The following SGCD variants were observed in gnomAD, a reference collection of about 807,000 sequenced individuals.
The protein encoded by SGCD is delta-sarcoglycan.
SGCD carries 18 observed loss-of-function variants against 36.6 expected under a neutral mutation model. That is an observed-to-expected ratio of 0.49 (90% CI 0.34 to 0.73). The LOEUF (loss-of-function observed/expected upper bound fraction) is 0.73. Ranked by LOEUF, SGCD falls within the 30% of genes least tolerant of loss-of-function variation. SGCD has a pLI of 0.01. For missense variants in SGCD, 387 were observed against 346.7 expected, an observed-to-expected ratio of 1.12 and a Z score of -0.92; for synonymous variants, 133 against 130.6, an observed-to-expected ratio of 1.02 and a Z score of -0.12.
chr5:156,187,024 G>T (rs1763777711), intron 3 of SGCD, among the ~76,000 whole-genome samples: 1 of 151,994 alleles, frequency 6.6e-6, no homozygotes, highest in Admixed American at 6.6e-5. Flanking sequence ...CCCTCTAGAA[G>T]CAATGAACAT....
intron 1 of SGCD, among the ~76,000 whole-genome samples, chr5:156,044,013 T>C (rs1759701825): frequency 6.6e-6 from 1 of 152,122 alleles, no homozygotes; most frequent in Admixed American, 6.6e-5. Context: ...ATTAAACATG[T>C]TTAAATAACA....
chr5:155,837,947 CTT>C, the SGCD span, among the ~76,000 whole-genome samples: 1 of 152,122 alleles, frequency 6.6e-6, no homozygotes, highest in Non-Finnish European at 1.5e-5. Flanking sequence ...ACTTCTGTCT[CTT>C]TTTAAACTCT....
intron 1 of SGCD, among the ~76,000 whole-genome samples, chr5:156,070,374 A>G (rs1446728969): frequency 6.7e-6 from 1 of 150,314 alleles, no homozygotes; most frequent in Non-Finnish European, 1.5e-5. Flanking sequence ...CCTTTTCTGC[A>G]TCTATTGAGA....
intron 3 of SGCD, among the ~76,000 whole-genome samples, chr5:156,489,630 G>A (rs1303618617): frequency 6.6e-6 from 1 of 151,918 alleles, no homozygotes; most frequent in Non-Finnish European, 1.5e-5. Context: ...ATGATCATTA[G>A]GTCAATAAAG....
chr5:156,323,587 G>T (rs535563934), upstream of SGCD, among the ~76,000 whole-genome samples: 3 of 152,252 alleles, frequency 2.0e-5, no homozygotes, highest in East Asian at 3.9e-4. Flanking sequence ...ATCCTTGCCC[G>T]CATGGAGCTT....
chr5:155,972,045 AGG>A (rs1758016143), intron 1 of SGCD, among the ~76,000 whole-genome samples: 1 of 152,182 alleles, frequency 6.6e-6, no homozygotes, highest in Non-Finnish European at 1.5e-5. Context: ...GCTATTGGTT[AGG>A]AATAGAATGA....
intron 3 of SGCD, among the ~76,000 whole-genome samples, chr5:156,391,230 A>G (rs764729743): frequency 1.3e-5 from 2 of 152,260 alleles, no homozygotes; most frequent in Non-Finnish European, 2.9e-5. Context: ...GTAACGTGCT[A>G]TACACATTTA....
intron 7 of SGCD, among the ~76,000 whole-genome samples, chr5:156,696,958 A>T (rs1330697957): frequency 7.5e-6 from 1 of 133,342 alleles, no homozygotes; most frequent in Non-Finnish European, 1.6e-5. Context: ...ACACACACAC[A>T]CACACTTCAC....
chr5:156,714,101 A>T (rs1755116926), intron 7 of SGCD, among the ~76,000 whole-genome samples: 1 of 152,220 alleles, frequency 6.6e-6, no homozygotes, highest in African/African-American at 2.4e-5. Flanking sequence ...CCTGTTTCTA[A>T]ACTTTATTTG....
intron 3 of SGCD, among the ~76,000 whole-genome samples, chr5:156,304,026 A>G (rs894203544): frequency 1.3e-5 from 2 of 152,056 alleles, no homozygotes; most frequent in African/African-American, 4.8e-5. Flanking sequence ...TCAGCAGAGC[A>G]CCAGTACTTG....
At chr5:156,517,111 G>T (rs917965106) in intron 4 of SGCD, among the ~76,000 whole-genome samples, 2 of 152,156 alleles carry the variant, frequency 1.3e-5, no homozygotes, top group Non-Finnish European at 2.9e-5. Context: ...CATTACAGAA[G>T]CTGTTAACCA....
intron 1 of SGCD, among the ~76,000 whole-genome samples, chr5:155,986,162 A>G (rs1231003219): frequency 6.6e-6 from 1 of 152,128 alleles, no homozygotes; most frequent in African/African-American, 2.4e-5. Context: ...ATATTTGAAA[A>G]CATTTTATTG....
chr5:155,846,982 G>A, the SGCD span, among the ~76,000 whole-genome samples: 10 of 152,220 alleles, frequency 6.6e-5, no homozygotes, highest in South Asian at 4.1e-4. Context: ...CTTCAAAAGC[G>A]TGTGCTTAAA....
At chr5:156,620,329 T>C (rs1451475276) in intron 6 of SGCD, among the ~76,000 whole-genome samples, 2 of 152,254 alleles carry the variant, frequency 1.3e-5, no homozygotes, top group African/African-American at 4.8e-5. Flanking sequence ...GTCACCAAAC[T>C]AAGTTCAGTG....
At chr5:156,056,654 A>AAAAAAAAAAAAAAAAAAAAC (rs1209421786) in intron 1 of SGCD, among the ~76,000 whole-genome samples, 10 of 137,914 alleles carry the variant, frequency 7.3e-5, no homozygotes, top group African/African-American at 2.5e-4. Context: ...TTAAAAAAAA[A>AAAAAAAAAAAAAAAAAAAAC]AAAAAAAAAA....
the SGCD span, among the ~76,000 whole-genome samples, chr5:155,758,122 C>A: frequency 2.0e-5 from 3 of 152,108 alleles, no homozygotes; most frequent in African/African-American, 2.4e-5. Flanking sequence ...CTAATATAGT[C>A]CTCCTCTGGT....
At chr5:156,193,393 T>G (rs1332980225) in intron 3 of SGCD, among the ~76,000 whole-genome samples, 2 of 152,172 alleles carry the variant, frequency 1.3e-5, no homozygotes, top group African/African-American at 4.8e-5. Context: ...TCTTTCTTAT[T>G]TTGAGATAAT....
At position 156,762,983 on chromosome 5, in the gene SGCD, T is replaced by C. The variant is rs1281501841; in HGVS notation, c.*3593T>C. 1 of 152,402 alleles carries C rather than the reference T, an allele frequency of 6.6e-6. No individual in the cohort carries two copies. Among genetic ancestry groups the C allele is most frequent in the Non-Finnish European group, 1.5e-5 (1 of 68,030 alleles). The allele number at this position is 152,402 out of a possible 1,614,324, so 9.4% of individuals were successfully genotyped here. ...TATGTTACATGTGGAAAGCCTGCCT[T>C]CCAAGACATGTGGAAGTAATTGATC... On this transcript the variant is annotated 3_prime_UTR_variant, in exon 9 of 9. Coordinates refer to ENST00000337851, the MANE Select transcript of SGCD (RefSeq NM_000337.6).
intron 6 of SGCD, among the ~76,000 whole-genome samples, chr5:156,618,477 A>C (rs759688850): frequency 3.9e-5 from 6 of 152,128 alleles, no homozygotes; most frequent in Non-Finnish European, 7.4e-5. Context: ...ACAACTGAAC[A>C]ACCACGACCT....
Sources: allele counts gnomAD v4.1 joint callset (sites outside exome capture counted in the v4.1 genomes callset), GRCh38; gene constraint gnomAD v4.1.1; transcripts MANE v1.5; gene names NCBI Gene and HGNC (gene_info 2026-07-23, HGNC 2026-07-21).